Variants in PDE3A observed in about 807,000 individuals in gnomAD.
PDE3A encodes cGMP-inhibited 3',5'-cyclic phosphodiesterase 3A.
In PDE3A, 43 loss-of-function variants were observed where a neutral mutation model predicts 98.3. That is an observed-to-expected ratio of 0.44 (90% CI 0.34 to 0.56). The LOEUF is 0.56. PDE3A is among the 20% of genes least tolerant of loss of function. The pLI is 0.01. For missense variants in PDE3A, 1,427 were observed against 1,440.7 expected (o/e 0.99, Z 0.15); for synonymous variants, 663 against 567.9 (o/e 1.17, Z -2.38).
At chr12:20,406,014 C>T (rs1944226803) in intron 1 of PDE3A, among the ~76,000 whole-genome samples, 1 of 152,168 alleles carries the variant, frequency 6.6e-6, no homozygotes, top group Non-Finnish European at 1.5e-5. Flanking sequence ...TGATATCCTA[C>T]AGGTTCACCC....
At chr12:20,605,174 G>C (rs980281465) in intron 2 of PDE3A, among the ~76,000 whole-genome samples, 6 of 152,138 alleles carry the variant, frequency 3.9e-5, no homozygotes, top group African/African-American at 1.2e-4. Flanking sequence ...GTAATTTACA[G>C]TGACAAATAT....
intron 2 of PDE3A, among the ~76,000 whole-genome samples, chr12:20,603,891 C>A (rs1430964636): frequency 6.6e-6 from 1 of 152,168 alleles, no homozygotes; most frequent in Non-Finnish European, 1.5e-5. Flanking sequence ...ATAAAATGAG[C>A]CAGGCATGGT....
intron 1 of PDE3A, among the ~76,000 whole-genome samples, chr12:20,403,215 C>A (rs1944166622): frequency 6.6e-6 from 1 of 152,170 alleles, no homozygotes; most frequent in Admixed American, 6.5e-5. Context: ...TCTTCAGAGA[C>A]AATTAAAATG....
At chr12:20,429,510 G>A (rs1263487084) in intron 1 of PDE3A, among the ~76,000 whole-genome samples, 2 of 152,104 alleles carry the variant, frequency 1.3e-5, no homozygotes, top group Non-Finnish European at 2.9e-5. Context: ...GATCACATCT[G>A]TGTTTCTGAA....
intron 1 of PDE3A, among the ~76,000 whole-genome samples, chr12:20,400,935 T>G (rs1944118185): frequency 6.6e-6 from 1 of 152,186 alleles, no homozygotes; most frequent in Admixed American, 6.5e-5. Context: ...TGTATTATTA[T>G]TTATTTTTAA....
At chr12:20,557,905 G>T (rs12301546) in intron 2 of PDE3A, among the ~76,000 whole-genome samples, 3,646 of 152,080 alleles carry the variant, frequency 0.024, 130 homozygotes, top group African/African-American at 0.083. Flanking sequence ...AAAATTTGCT[G>T]CAAGGTCAGT....
intron 5 of PDE3A, among the ~76,000 whole-genome samples, chr12:20,625,829 A>G (rs1434671553): frequency 2.0e-5 from 3 of 152,162 alleles, no homozygotes; most frequent in Non-Finnish European, 4.4e-5. Context: ...TTTTAAAATT[A>G]TATTTTTAAT....
intron 1 of PDE3A, among the ~76,000 whole-genome samples, chr12:20,459,860 A>C (rs1945216821): frequency 1.3e-5 from 2 of 152,214 alleles, no homozygotes; most frequent in Non-Finnish European, 2.9e-5. Flanking sequence ...CTGGAGGTAC[A>C]AAAGAGAGAA....
intron 1 of PDE3A, among the ~76,000 whole-genome samples, chr12:20,389,246 G>C (rs886148518): frequency 6.6e-6 from 1 of 151,952 alleles, no homozygotes; most frequent in East Asian, 1.9e-4. Flanking sequence ...GAGGAGGAAA[G>C]GGGGCAATCA....
chr12:20,477,804 C>T (rs941653441), intron 1 of PDE3A, among the ~76,000 whole-genome samples: 1 of 152,120 alleles, frequency 6.6e-6, no homozygotes, highest in Non-Finnish European at 1.5e-5. Flanking sequence ...TTTTTGAAAA[C>T]GCCATAGCAA....
At chr12:20,557,658 ACT>A (rs1942404384) in intron 2 of PDE3A, among the ~76,000 whole-genome samples, 1 of 152,148 alleles carries the variant, frequency 6.6e-6, no homozygotes, top group Non-Finnish European at 1.5e-5. Flanking sequence ...TGTGTGAATA[ACT>A]CTACTTAATT....
chr12:20,443,504 C>T (rs897732526), intron 1 of PDE3A, among the ~76,000 whole-genome samples: 14 of 151,964 alleles, frequency 9.2e-5, no homozygotes, highest in African/African-American at 2.9e-4. Flanking sequence ...ATTAGGAAAT[C>T]GAAAATAAAT....
At chr12:20,472,585 G>T (rs370871281) in intron 1 of PDE3A, among the ~76,000 whole-genome samples, 2 of 151,554 alleles carry the variant, frequency 1.3e-5, no homozygotes, top group Non-Finnish European at 2.9e-5. Flanking sequence ...TAATCTAAAT[G>T]ACCACATTAT....
intron 1 of PDE3A, among the ~76,000 whole-genome samples, chr12:20,533,505 G>C (rs1941666262): frequency 7.0e-6 from 1 of 141,902 alleles, no homozygotes; most frequent in African/African-American, 2.7e-5. Flanking sequence ...GTTTTGAGAC[G>C]TGGTCTCGTC....
chr12:20,653,922 G>A (rs1200185230), intron 14 of PDE3A, 25 bp from the exon 15 acceptor site: 2 of 1,606,110 alleles, frequency 1.2e-6, no homozygotes, highest in South Asian at 1.1e-5. Context: ...GGTGAATGTT[G>A]ACTTCACTTG....
intron 1 of PDE3A, among the ~76,000 whole-genome samples, chr12:20,400,378 GGTTTTTTTTTT>G (rs1944100594): frequency 9.4e-6 from 1 of 106,110 alleles, no homozygotes; most frequent in African/African-American, 4.2e-5. Flanking sequence ...CGTTAACATT[GGTTTTTTTTTT>G]TTTTTTTTTT....
intron 1 of PDE3A, among the ~76,000 whole-genome samples, chr12:20,470,005 T>G (rs1300884482): frequency 2.6e-5 from 4 of 152,168 alleles, no homozygotes; most frequent in African/African-American, 9.7e-5. Context: ...TGCATCTCCT[T>G]GTTTTCTGAA....
At chr12:20,627,049 G>GA (rs959338353) in intron 5 of PDE3A, among the ~76,000 whole-genome samples, 4 of 148,138 alleles carry the variant, frequency 2.7e-5, no homozygotes, top group Non-Finnish European at 4.4e-5. Context: ...ACTTAGCAAT[G>GA]AAAAAATCAC....
At chr12:20,628,738 A>G (rs975831461) in intron 5 of PDE3A, among the ~76,000 whole-genome samples, 3 of 152,214 alleles carry the variant, frequency 2.0e-5, no homozygotes, top group African/African-American at 7.2e-5. Flanking sequence ...TAACAACAAC[A>G]ACGACAAAAA....
Sources: allele counts gnomAD v4.1 joint callset (sites outside exome capture counted in the v4.1 genomes callset), GRCh38; gene constraint gnomAD v4.1.1; transcripts MANE v1.5; gene names NCBI Gene and HGNC (gene_info 2026-07-23, HGNC 2026-07-21).